Variants in TTC29 observed in about 807,000 individuals in gnomAD.
The protein encoded by TTC29 is tetratricopeptide repeat protein 29.
Under a neutral mutation model 58.1 loss-of-function variants are expected in TTC29, and 49 were observed. The observed-to-expected ratio is 0.84, with a 90% CI of 0.67 to 1.07. The LOEUF (loss-of-function observed/expected upper bound fraction) is 1.07, where lower values mean the gene tolerates loss of function less well. Among genes scored for constraint, TTC29 ranks in the 50% least tolerant of loss-of-function variants. The pLI, the probability that TTC29 is intolerant of heterozygous loss-of-function variation, is 0.00. For missense variants in TTC29, 582 were observed against 555.6 expected (o/e 1.05, Z -0.48); for synonymous variants, 209 against 196.8 (o/e 1.06, Z -0.52).
intron 11 of TTC29, among the ~76,000 whole-genome samples, chr4:146,793,424 A>G (rs1749613041): frequency 6.6e-6 from 1 of 152,222 alleles, no homozygotes; most frequent in South Asian, 2.1e-4. Flanking sequence ...GTAGGCTCAG[A>G]TGACAATTAG....
chr4:146,919,276 C>A (rs1033403061), intron 4 of TTC29, among the ~76,000 whole-genome samples: 1 of 151,062 alleles, frequency 6.6e-6, no homozygotes, highest in Non-Finnish European at 1.5e-5. Flanking sequence ...TCAGATTACA[C>A]TGTACTTCTC....
At chr4:146,894,065 C>T (rs936356109) in intron 6 of TTC29, among the ~76,000 whole-genome samples, 2 of 152,230 alleles carry the variant, frequency 1.3e-5, no homozygotes, top group African/African-American at 4.8e-5. Context: ...AATAGGAACA[C>T]TTTTACACTG....
intron 11 of TTC29, among the ~76,000 whole-genome samples, chr4:146,783,352 T>TA (rs532085913): frequency 1.5e-4 from 23 of 151,942 alleles, no homozygotes; most frequent in East Asian, 7.7e-4. Flanking sequence ...TTTTTTTTTT[T>TA]ATGAATGAAA....
intron 6 of TTC29, among the ~76,000 whole-genome samples, chr4:146,902,744 C>A (rs1348949819): frequency 1.3e-5 from 2 of 152,144 alleles, no homozygotes; most frequent in East Asian, 3.9e-4. Flanking sequence ...TGTTCAGGCG[C>A]CTTGCGAGCT....
At chr4:146,864,482 C>T (rs905920466) in intron 8 of TTC29, among the ~76,000 whole-genome samples, 1 of 152,198 alleles carries the variant, frequency 6.6e-6, no homozygotes, top group Non-Finnish European at 1.5e-5. Context: ...TAAATTATCT[C>T]TTATTATCAC....
rs899762585 is a variant in TTC29, at chr4:146,710,721, T to C, written c.1331-3170A>G. Among the ~76,000 whole-genome samples, 93 of 152,222 alleles carry C rather than the reference T, an allele frequency of 6.1e-4. 1 individual carries two copies. Among genetic ancestry groups the C allele is most frequent in the Middle Eastern group, 3.4e-3 (1 of 294 alleles). On this transcript the variant is annotated intron_variant, in intron 11 of 12. Coordinates refer to ENST00000325106, the MANE Select transcript of TTC29 (RefSeq NM_031956.4). ...GACTAGAAGCAACAGCATGTTGAAG[T>C]GTGATATTTGCTTATACGATCTACA...
intron 11 of TTC29, among the ~76,000 whole-genome samples, chr4:146,796,895 T>C (rs1378747071): frequency 2.0e-5 from 3 of 152,108 alleles, no homozygotes; most frequent in Non-Finnish European, 4.4e-5. Context: ...AAGCTGACAT[T>C]AGAAGGCCCC....
intron 9 of TTC29, among the ~76,000 whole-genome samples, chr4:146,826,507 G>C: frequency 6.6e-6 from 1 of 152,090 alleles, no homozygotes; most frequent in South Asian, 2.1e-4. Context: ...TCCCTTTGTA[G>C]GTGACCTGGC....
At chr4:146,814,196 A>C (rs972008537) in intron 10 of TTC29, among the ~76,000 whole-genome samples, 1 of 152,162 alleles carries the variant, frequency 6.6e-6, no homozygotes, top group Non-Finnish European at 1.5e-5. Context: ...TTAAACTTAC[A>C]TTTTGGCCAA....
At chr4:146,789,483 A>AAAC (rs1045321260) in intron 11 of TTC29, among the ~76,000 whole-genome samples, 3 of 152,192 alleles carry the variant, frequency 2.0e-5, no homozygotes, top group African/African-American at 7.2e-5. Context: ...GCACCTTGAG[A>AAAC]AACTGCCTAA....
chr4:146,874,742 A>G lies in TTC29; in HGVS notation c.773T>C (p.Ile258Thr). ...KEYKQAIKIL[I>T]KASEIAKEGS... ...TTCTTTGGCTATTTCAGAAGCTTTTATTAGAATTTTGATGGCCTGTTTGTA... is the reference window on the plus strand; with the variant it reads ...TTCTTTGGCTATTTCAGAAGCTTTTGTTAGAATTTTGATGGCCTGTTTGTA... Residue 258 changes from isoleucine (I) to threonine (T), a missense_variant, in exon 7 of 13, where the codon ATA becomes ACA. Ile to Thr is a moderately conservative substitution (Grantham distance 89). Transcript: ENST00000325106. 1.2e-6 allele frequency: 2 copies of G among 1,605,840 alleles called. No individual in the cohort carries two copies. The highest frequency in any genetic ancestry group is 1.7e-6 in the Non-Finnish European group (2 of 1,176,468).
chr4:146,725,254 G>T (rs1743682461), intron 11 of TTC29, among the ~76,000 whole-genome samples: 1 of 152,120 alleles, frequency 6.6e-6, no homozygotes, highest in African/African-American at 2.4e-5. Flanking sequence ...TACTGGAAAG[G>T]CCAGACTGGT....
intron 11 of TTC29, among the ~76,000 whole-genome samples, chr4:146,788,151 G>T (rs1445197174): frequency 6.6e-6 from 1 of 152,180 alleles, no homozygotes; most frequent in Non-Finnish European, 1.5e-5. Flanking sequence ...CAAGTCAACT[G>T]AACACTTCCT....
chr4:146,831,700 C>A (rs769207059), intron 9 of TTC29: 2 of 449,330 alleles, frequency 4.5e-6, no homozygotes, highest in Non-Finnish European at 9.0e-6. Flanking sequence ...TTGACTGAAT[C>A]GACCAGGAAT....
At chr4:146,906,311 G>A (rs937214674) in intron 5 of TTC29, among the ~76,000 whole-genome samples, 31 of 152,136 alleles carry the variant, frequency 2.0e-4, no homozygotes, top group African/African-American at 7.5e-4. Context: ...TTACTGCTCT[G>A]TAAGTCTCAA....
In TTC29 at chr4:146,775,599, T is replaced by C. The variant is rs570609038; in HGVS notation, c.1330+27858A>G. Among the ~76,000 whole-genome samples the C allele has an allele frequency of 4.5e-3, 678 of 152,160 alleles. 2 individuals are homozygous for C. The highest frequency in any genetic ancestry group is 0.015 in the African/African-American group (633 of 41,480). On this transcript the variant is annotated intron_variant, in intron 11 of 12. Transcript: ENST00000325106. ...TAGGCCCCTAATCTCTTCTGACTTG[T>C]AGCATTTCTGCTGAAAGGTCTGCTG...
chr4:146,883,572 T>C (rs945576728), intron 6 of TTC29, among the ~76,000 whole-genome samples: 2 of 152,052 alleles, frequency 1.3e-5, no homozygotes, highest in Non-Finnish European at 2.9e-5. Flanking sequence ...CTTACACTCC[T>C]GGTCAGTTGT....
rs770355496 is a variant in TTC29 at position 146,820,195 on chromosome 4, G to A, written c.1031C>T (p.Ala344Val). The A allele has an allele frequency of 1.4e-5, 23 of 1,612,796 alleles. No homozygotes were observed. Among genetic ancestry groups the A allele is most frequent in the Non-Finnish European group, 1.9e-5 (22 of 1,179,690 alleles). Residue 344 changes from alanine (A) to valine (V), a missense_variant, in exon 10 of 13, where the codon GCA becomes GTA. Coordinates refer to ENST00000325106, the MANE Select transcript of TTC29 (RefSeq NM_031956.4). ...ATCTAGGCTTTGAAAATTGTTTCTT[G>A]CAATTTTCACAAATTTTTTCAAGTA... ...IKYLKKFVKI[A>V]RNNFQSLDLV...
chr4:146,925,277 A>G (rs1217730129), intron 4 of TTC29, among the ~76,000 whole-genome samples: 1 of 152,036 alleles, frequency 6.6e-6, no homozygotes, highest in East Asian at 1.9e-4. Flanking sequence ...TCTACCAGCT[A>G]TTGAAAGAGT....
Sources: gnomAD v4.1 joint callset for allele counts (sites outside exome capture counted in the v4.1 genomes callset) on GRCh38, gnomAD v4.1.1 for gene constraint, MANE v1.5 for transcripts, NCBI Gene and HGNC (gene_info 2026-07-23, HGNC 2026-07-21) for gene names.